PRDM11: variants seen among roughly 807,000 people sequenced by gnomAD.
The protein encoded by PRDM11 is PR/SET domain 11.
A neutral mutation model predicts 97.8 loss-of-function variants in PRDM11; 20 were observed. The observed-to-expected ratio is 0.20, with a 90% CI of 0.14 to 0.30. The LOEUF is 0.30. Among genes scored for constraint, PRDM11 ranks in the 10% least tolerant of loss-of-function variants. The pLI, the probability that PRDM11 is intolerant of heterozygous loss-of-function variation, is 1.00. For synonymous variants in PRDM11, 599 were observed against 637.7 expected, an observed-to-expected ratio of 0.94 and a Z score of 0.91; for missense variants, 1,139 against 1,555.2, an observed-to-expected ratio of 0.73 and a Z score of 4.50.
chr11:45,118,946 A>T (rs937511180), intron 1 of PRDM11, among the ~76,000 whole-genome samples: 2 of 152,210 alleles, frequency 1.3e-5, no homozygotes, highest in Non-Finnish European at 2.9e-5. Context: ...CGTTTTGGGC[A>T]TGGACTGGCA....
intron 1 of PRDM11, among the ~76,000 whole-genome samples, chr11:45,125,592 T>A (rs1852549671): frequency 6.6e-6 from 1 of 152,248 alleles, no homozygotes; most frequent in Non-Finnish European, 1.5e-5. Flanking sequence ...TTCATTTTGT[T>A]ATGTACCCAG....
intron 4 of PRDM11, among the ~76,000 whole-genome samples, chr11:45,198,261 T>G (rs368836588): frequency 6.6e-6 from 1 of 152,340 alleles, no homozygotes; most frequent in South Asian, 2.1e-4. Context: ...AGCTTAAGTA[T>G]TCTTCACTCC....
At chr11:45,135,849 T>C (rs1852829707) in intron 1 of PRDM11, among the ~76,000 whole-genome samples, 1 of 151,972 alleles carries the variant, frequency 6.6e-6, no homozygotes, top group African/African-American at 2.4e-5. Context: ...CAAACTACAA[T>C]AGAGGATTCT....
intron 1 of PRDM11, among the ~76,000 whole-genome samples, chr11:45,172,169 G>C (rs1363373318): frequency 2.0e-5 from 3 of 152,264 alleles, no homozygotes; most frequent in Non-Finnish European, 4.4e-5. Flanking sequence ...GGAACGGCCA[G>C]ATGGAAGAGC....
At chr11:45,097,678 G>C (rs575457993) in intron 1 of PRDM11, among the ~76,000 whole-genome samples, 1 of 152,230 alleles carries the variant, frequency 6.6e-6, no homozygotes, top group South Asian at 2.1e-4. Flanking sequence ...CCTTGAGGAC[G>C]GAGCTATTGG....
intron 1 of PRDM11, among the ~76,000 whole-genome samples, chr11:45,135,187 G>A (rs1010123228): frequency 6.6e-6 from 1 of 152,104 alleles, no homozygotes; most frequent in Non-Finnish European, 1.5e-5. Context: ...TTTCTAGAAT[G>A]TAATGAGATT....
At chr11:45,225,071 A>G in intron 7 of PRDM11, 1 of 1,437,626 alleles carries the variant, frequency 7.0e-7, no homozygotes, top group Non-Finnish European at 9.1e-7. Flanking sequence ...CCTTGTCAAT[A>G]AAGGAAGTTC....
chr11:45,210,732 G>A (rs1445117210), intron 5 of PRDM11, among the ~76,000 whole-genome samples: 2 of 152,236 alleles, frequency 1.3e-5, no homozygotes, highest in East Asian at 3.9e-4. Context: ...AGACCATTTA[G>A]TTCAACTTCC....
At chr11:45,179,801 C>T (rs899291489) in intron 1 of PRDM11, among the ~76,000 whole-genome samples, 31 of 152,222 alleles carry the variant, frequency 2.0e-4, no homozygotes, top group African/African-American at 6.8e-4. Context: ...AGGATCACAC[C>T]GCCCATCAGT....
At position 45,120,509 on chromosome 11, in the gene PRDM11, G is replaced by T. The variant is rs145303983; in HGVS notation, c.96+24608G>T. Among the ~76,000 whole-genome samples the T allele has an allele frequency of 6.1e-3, 924 of 152,176 alleles. 13 individuals carry two copies. Among genetic ancestry groups the T allele is most frequent in the African/African-American group, 0.021 (873 of 41,528 alleles). On this transcript the variant is annotated intron_variant, in intron 1 of 6. Transcript: ENST00000530656. ...AACCATTACCTTAAAAGAAGTAACA[G>T]TAAAACTGACCACTGGTCTTCACTA...
chr11:45,205,043 C>A (rs1853459265), intron 5 of PRDM11, among the ~76,000 whole-genome samples: 1 of 152,114 alleles, frequency 6.6e-6, no homozygotes, highest in South Asian at 2.1e-4. Context: ...AGGTCCTGGG[C>A]CCCAGGCTCC....
intron 1 of PRDM11, among the ~76,000 whole-genome samples, chr11:45,099,130 C>T (rs188378251): frequency 4.6e-5 from 7 of 152,176 alleles, no homozygotes; most frequent in African/African-American, 1.2e-4. Flanking sequence ...AGGAATGGCA[C>T]GCGATGCCTG....
chr11:45,189,203 G>A (rs182367470), intron 4 of PRDM11, among the ~76,000 whole-genome samples: 10 of 152,188 alleles, frequency 6.6e-5, no homozygotes, highest in Non-Finnish European at 1.2e-4. Flanking sequence ...ACCCGGCCGC[G>A]AGCACAGGGT....
intron 4 of PRDM11, among the ~76,000 whole-genome samples, chr11:45,189,997 T>A (rs1852851522): frequency 6.6e-6 from 1 of 152,188 alleles, no homozygotes; most frequent in Non-Finnish European, 1.5e-5. Context: ...TTTTGAAAGT[T>A]GCAAACTCGG....
intron 5 of PRDM11, chr11:45,212,828 G>T: frequency 2.2e-6 from 1 of 451,654 alleles, no homozygotes; most frequent in South Asian, 1.6e-5. Flanking sequence ...GGCCATGGCC[G>T]AGCTGACCAG....
At position 45,226,385 on chromosome 11, in the gene PRDM11, G is replaced by C; in HGVS notation, c.1760G>C (p.Arg587Pro). 6.5e-7 allele frequency: 1 copy of C among 1,533,938 alleles called. No individual in the cohort carries two copies. The highest frequency in any genetic ancestry group is 8.7e-7 in the Non-Finnish European group (1 of 1,146,746). Residue 587 changes from arginine (R) to proline (P), a missense_variant, in exon 8 of 8, where the codon CGC (arginine) becomes CCC (proline). Transcript: ENST00000683152. The stretch of plus-strand genomic sequence containing the variant: ...CCGGAGAAGACAGAGGAGATGTGTC[G>C]CAACATGACCCTGCTCTTCAACACC... ...MHPEKTEEMC[R>P]NMTLLFNTAY...
At chr11:45,190,020 A>G (rs918542045) in intron 4 of PRDM11, among the ~76,000 whole-genome samples, 1 of 152,154 alleles carries the variant, frequency 6.6e-6, no homozygotes, top group Non-Finnish European at 1.5e-5. Flanking sequence ...GAAAAGTTGC[A>G]AGAATAGTGT....
At chr11:45,158,100 A>G (rs1321746954) in intron 1 of PRDM11, among the ~76,000 whole-genome samples, 1 of 152,204 alleles carries the variant, frequency 6.6e-6, no homozygotes, top group Non-Finnish European at 1.5e-5. Flanking sequence ...GGGAAAAGTT[A>G]AAGTCATTCC....
intron 1 of PRDM11, among the ~76,000 whole-genome samples, chr11:45,102,872 G>A (rs1852001916): frequency 6.6e-6 from 1 of 152,234 alleles, no homozygotes; most frequent in Admixed American, 6.5e-5. Flanking sequence ...ATTGGGCTGG[G>A]CTTGCCAAGC....
Sources: gnomAD v4.1 joint callset for allele counts (sites outside exome capture counted in the v4.1 genomes callset) on GRCh38, gnomAD v4.1.1 for gene constraint, MANE v1.5 for transcripts, NCBI Gene and HGNC (gene_info 2026-07-23, HGNC 2026-07-21) for gene names.